LRRC4C: variants seen among roughly 807,000 people sequenced by gnomAD.
The protein encoded by LRRC4C is leucine rich repeat containing 4C.
LRRC4C carries 5 observed loss-of-function variants against 33.6 expected under a neutral mutation model. The observed-to-expected ratio is 0.15, with a 90% CI of 0.08 to 0.31. The LOEUF (loss-of-function observed/expected upper bound fraction) is 0.31, where lower values mean the gene tolerates loss of function less well. Ranked by LOEUF, LRRC4C falls within the 10% of genes least tolerant of loss-of-function variation. The pLI, the probability that LRRC4C is intolerant of heterozygous loss-of-function variation, is 1.00. For synonymous variants in LRRC4C, 329 were observed against 302.0 expected (o/e 1.09, Z -0.93); for missense variants, 560 against 796.7 (o/e 0.70, Z 3.58).
intron 3 of LRRC4C, among the ~76,000 whole-genome samples, chr11:40,644,339 GTT>G (rs1942310137): frequency 1.3e-5 from 2 of 152,162 alleles, no homozygotes. Context: ...AAAAGTTACA[GTT>G]ACTCTGGAAA....
At chr11:40,948,979 C>G (rs1958560557) in intron 1 of LRRC4C, among the ~76,000 whole-genome samples, 1 of 152,092 alleles carries the variant, frequency 6.6e-6, no homozygotes. Context: ...TTTACAGTCC[C>G]ACCAACAGTG....
chr11:40,494,712 C>A (rs1954339270), intron 3 of LRRC4C, among the ~76,000 whole-genome samples: 1 of 152,112 alleles, frequency 6.6e-6, no homozygotes, highest in African/African-American at 2.4e-5. Context: ...AGGATTTCTG[C>A]TTTCATAGGA....
intron 1 of LRRC4C, among the ~76,000 whole-genome samples, chr11:41,067,231 A>G (rs1938315387): frequency 1.3e-5 from 2 of 152,178 alleles, no homozygotes; most frequent in South Asian, 4.1e-4. Flanking sequence ...AAATTTACCA[A>G]GTAAATGGAA....
At chr11:40,408,872 T>G (rs1209971967) in intron 3 of LRRC4C, among the ~76,000 whole-genome samples, 2 of 151,968 alleles carry the variant, frequency 1.3e-5, no homozygotes. Context: ...CCCATAAAAA[T>G]TCCAATGACA....
intron 3 of LRRC4C, among the ~76,000 whole-genome samples, chr11:40,400,026 T>C (rs1231520536): frequency 6.6e-6 from 1 of 152,138 alleles, no homozygotes; most frequent in African/African-American, 2.4e-5. Flanking sequence ...TTTCAAGGAA[T>C]CATTTATAAT....
Position 41,227,178 on chromosome 11 carries a change from T to A in LRRC4C, c.-496+232253A>T, listed in dbSNP as rs76709399. Among the ~76,000 whole-genome samples, 258 of 152,196 alleles carry A rather than the reference T, an allele frequency of 1.7e-3. 4 individuals carry two copies. In the East Asian group the frequency reaches 0.045, roughly 26 times the overall value. ...GTTGCTGCTTCCTTATTCCTTCCAC[T>A]TACCATATATTGGACACATATTTTC... is the stretch of plus-strand genomic sequence containing the variant. On this transcript the variant is annotated intron_variant, in intron 1 of 6. Coordinates refer to ENST00000528697, the MANE Select transcript of LRRC4C (RefSeq NM_001258419.2).
chr11:40,247,033 T>A (rs1866396305), intron 4 of LRRC4C, among the ~76,000 whole-genome samples: 1 of 152,110 alleles, frequency 6.6e-6, no homozygotes, highest in Non-Finnish European at 1.5e-5. Flanking sequence ...CTGAAGAGAC[T>A]GAATATTTCC....
chr11:40,343,703 GT>G (rs138124827), intron 3 of LRRC4C, among the ~76,000 whole-genome samples: 1,321 of 66,688 alleles, frequency 0.02, 27 homozygotes, highest in African/African-American at 0.058. Flanking sequence ...TCCAGGAGTT[GT>G]TTTTTTGAAA....
chr11:41,392,790 A>G (rs577953159), intron 1 of LRRC4C, among the ~76,000 whole-genome samples: 1 of 151,972 alleles, frequency 6.6e-6, no homozygotes, highest in African/African-American at 2.4e-5. Flanking sequence ...AAGGAATCCC[A>G]AGAATTTCTG....
Position 41,050,652 on chromosome 11 carries a change from A to G in LRRC4C, c.-495-116929T>C, listed in dbSNP as rs375286767. Among the ~76,000 whole-genome samples the G allele has an allele frequency of 9.2e-5, 14 of 152,254 alleles. No homozygotes were observed. In the South Asian group the frequency reaches 2.9e-3, roughly 32 times the overall value. On this transcript the variant is annotated intron_variant, in intron 1 of 6. Coordinates refer to ENST00000528697, the MANE Select transcript of LRRC4C (RefSeq NM_001258419.2). ...CTTTTTTATGGCTGCATAGTATTCTATGGTGTAAATGTGCCACATTTTTTT... is the reference window on the plus strand; with the variant it reads ...CTTTTTTATGGCTGCATAGTATTCTGTGGTGTAAATGTGCCACATTTTTTT...
chr11:40,945,152 C>CT (rs1958339508), intron 1 of LRRC4C, among the ~76,000 whole-genome samples: 2 of 151,598 alleles, frequency 1.3e-5, no homozygotes. Context: ...GCCTCAGCCT[C>CT]CCGAGTAGCT....
chr11:40,224,690 C>T (rs973190460), intron 5 of LRRC4C, among the ~76,000 whole-genome samples: 4 of 152,172 alleles, frequency 2.6e-5, no homozygotes, highest in African/African-American at 4.8e-5. Flanking sequence ...AATGAGATAA[C>T]GTATGTCAAA....
Position 40,957,862 on chromosome 11 carries a change from G to A in LRRC4C, c.-495-24139C>T, listed in dbSNP as rs74943210. Among the ~76,000 whole-genome samples the A allele has an allele frequency of 2.5e-4, 38 of 151,742 alleles. 1 individual carries two copies. The East Asian group carries it at 7.4e-3, about 30-fold the overall frequency. On this transcript the variant is annotated intron_variant, in intron 1 of 6. Coordinates refer to ENST00000528697, the MANE Select transcript of LRRC4C (RefSeq NM_001258419.2). ...GAGTAATTAAAATCCAGCCCTTCCA[G>A]TTTCTAGCTTTGTGGCTGCTATGGT...
At chr11:40,124,922 T>C (rs941968233) in intron 6 of LRRC4C, among the ~76,000 whole-genome samples, 1 of 151,996 alleles carries the variant, frequency 6.6e-6, no homozygotes, top group African/African-American at 2.4e-5. Flanking sequence ...ATCCCATAAA[T>C]ATATACACCT....
chr11:41,042,147 A>G (rs1410132750), intron 1 of LRRC4C, among the ~76,000 whole-genome samples: 1 of 152,220 alleles, frequency 6.6e-6, no homozygotes, highest in Non-Finnish European at 1.5e-5. Flanking sequence ...GATATAGGAC[A>G]AACTACTTGT....
At chr11:41,152,312 T>C (rs1410397324) in intron 1 of LRRC4C, among the ~76,000 whole-genome samples, 4 of 152,194 alleles carry the variant, frequency 2.6e-5, no homozygotes, top group Admixed American at 2.6e-4. Flanking sequence ...AAGTAGCAAA[T>C]GTCAAAACTC....
intron 1 of LRRC4C, among the ~76,000 whole-genome samples, chr11:40,935,543 A>T (rs1400937033): frequency 2.0e-5 from 3 of 152,084 alleles, no homozygotes; most frequent in Admixed American, 2.0e-4. Context: ...TTGTGTTATA[A>T]CTTCCTATAA....
At chr11:41,039,995 G>A (rs1841711) in intron 1 of LRRC4C, among the ~76,000 whole-genome samples, 13,546 of 151,710 alleles carry the variant, frequency 0.089, 671 homozygotes, top group Non-Finnish European at 0.099. Context: ...AAAATTAGCC[G>A]GGCGTGGTGG....
intron 5 of LRRC4C, among the ~76,000 whole-genome samples, chr11:40,152,328 C>G (rs1044704618): frequency 2.6e-5 from 4 of 152,180 alleles, no homozygotes; most frequent in African/African-American, 9.7e-5. Flanking sequence ...GCAGCCCATT[C>G]CTGCCTGGCA....
Sources: gnomAD v4.1 joint callset for allele counts (sites outside exome capture counted in the v4.1 genomes callset) on GRCh38, gnomAD v4.1.1 for gene constraint, MANE v1.5 for transcripts, NCBI Gene and HGNC (gene_info 2026-07-23, HGNC 2026-07-21) for gene names.